Variants in MRTFA observed in about 807,000 individuals in gnomAD.
MRTFA encodes the protein myocardin-related transcription factor A.
A neutral mutation model predicts 83.5 loss-of-function variants in MRTFA; 20 were observed. That is an observed-to-expected ratio of 0.24 (90% confidence interval 0.17 to 0.35). The LOEUF (loss-of-function observed/expected upper bound fraction) is 0.35. Among genes scored for constraint, MRTFA ranks in the 10% least tolerant of loss-of-function variants. The pLI is 1.00. For synonymous variants in MRTFA, 659 were observed against 541.2 expected (o/e 1.22, Z -3.02); for missense variants, 1,200 against 1,224.7 (o/e 0.98, Z 0.30).
At chr22:40,545,681 C>T (rs1012287621) in intron 3 of MRTFA, among the ~76,000 whole-genome samples, 1 of 151,942 alleles carries the variant, frequency 6.6e-6, no homozygotes, top group Non-Finnish European at 1.5e-5. Flanking sequence ...GATCCACCCA[C>T]CTCGGCCTCC....
At chr22:40,439,498 C>G (rs1319523881) in intron 4 of MRTFA, among the ~76,000 whole-genome samples, 4 of 112,388 alleles carry the variant, frequency 3.6e-5, no homozygotes, top group South Asian at 3.0e-4. Context: ...GAGCAAGACT[C>G]TGTCTCAAAA....
chr22:40,556,739 T>G (rs1479732366), intron 2 of MRTFA, among the ~76,000 whole-genome samples: 1 of 152,204 alleles, frequency 6.6e-6, no homozygotes, highest in Non-Finnish European at 1.5e-5. Flanking sequence ...TGTCTCTGTG[T>G]GTACTGGGAA....
chr22:40,612,957 A>G (rs566295453), intron 1 of MRTFA, among the ~76,000 whole-genome samples: 1 of 152,292 alleles, frequency 6.6e-6, no homozygotes, highest in African/African-American at 2.4e-5. Context: ...AAAAACAACA[A>G]TAACAAGGAC....
chr22:40,551,018 A>G (rs763639646), intron 3 of MRTFA, among the ~76,000 whole-genome samples: 13 of 151,750 alleles, frequency 8.6e-5, no homozygotes, highest in Non-Finnish European at 1.9e-4. Context: ...TGCCTGGCTA[A>G]TTTTGTATCT....
chr22:40,483,647 TGCACTCCA>T (rs886648442), intron 3 of MRTFA, among the ~76,000 whole-genome samples: 2 of 150,818 alleles, frequency 1.3e-5, no homozygotes, highest in African/African-American at 4.9e-5. Flanking sequence ...ATAGTGCCAC[TGCACTCCA>T]GCCTGGGTGA....
chr22:40,458,181 ACAT>A (rs765112914), intron 4 of MRTFA, among the ~76,000 whole-genome samples: 105 of 152,186 alleles, frequency 6.9e-4, no homozygotes, highest in Non-Finnish European at 1.3e-3. Flanking sequence ...TATGTGCGAG[ACAT>A]CATTAGTGAA....
At chr22:40,625,423 C>T (rs577609565) in intron 1 of MRTFA, among the ~76,000 whole-genome samples, 1 of 151,410 alleles carries the variant, frequency 6.6e-6, no homozygotes, top group African/African-American at 2.4e-5. Context: ...CACAACCAGC[C>T]CAGGCAACAT....
intron 3 of MRTFA, among the ~76,000 whole-genome samples, chr22:40,541,048 G>C (rs969060544): frequency 6.6e-6 from 1 of 152,088 alleles, no homozygotes; most frequent in African/African-American, 2.4e-5. Context: ...AAGTATTGAA[G>C]TATGGAGTTA....
intron 1 of MRTFA, among the ~76,000 whole-genome samples, chr22:40,634,757 C>CAA (rs1479783685): frequency 6.6e-6 from 1 of 152,172 alleles, no homozygotes; most frequent in East Asian, 1.9e-4. Flanking sequence ...ACGGGTGACC[C>CAA]AAACTTTATG....
chr22:40,604,263 T>C (rs889039570), intron 1 of MRTFA, among the ~76,000 whole-genome samples: 5 of 151,758 alleles, frequency 3.3e-5, no homozygotes, highest in Non-Finnish European at 5.9e-5. Context: ...CCTGAGTAGC[T>C]GGGACTACAG....
At chr22:40,444,881 A>C (rs539920320) in intron 4 of MRTFA, among the ~76,000 whole-genome samples, 48 of 152,276 alleles carry the variant, frequency 3.2e-4, no homozygotes, top group South Asian at 8.3e-4. Flanking sequence ...CAGCTTGGGC[A>C]ATGTGGCGGC....
chr22:40,464,830 T>C (rs961428293), intron 3 of MRTFA, among the ~76,000 whole-genome samples: 1 of 152,198 alleles, frequency 6.6e-6, no homozygotes, highest in Non-Finnish European at 1.5e-5. Flanking sequence ...ACTTCTTTAA[T>C]GATATCACTA....
intron 3 of MRTFA, among the ~76,000 whole-genome samples, chr22:40,509,548 G>A (rs1335941358): frequency 6.6e-6 from 1 of 152,184 alleles, no homozygotes; most frequent in East Asian, 1.9e-4. Context: ...TTCTCATCCA[G>A]CTGGTCAAAG....
chr22:40,459,830 C>CATATACATATAT (rs1555973835), intron 4 of MRTFA, among the ~76,000 whole-genome samples: 14 of 86,952 alleles, frequency 1.6e-4, no homozygotes, highest in South Asian at 5.2e-4. Context: ...CACATATATA[C>CATATACATATAT]ATATATATAT....
intron 4 of MRTFA, among the ~76,000 whole-genome samples, chr22:40,453,826 A>C (rs2053538486): frequency 6.6e-6 from 1 of 152,204 alleles, no homozygotes. Flanking sequence ...CTGCATTCCC[A>C]CTGGTAAACA....
intron 1 of MRTFA, among the ~76,000 whole-genome samples, chr22:40,610,442 T>C (rs2056374210): frequency 6.6e-6 from 1 of 152,186 alleles, no homozygotes; most frequent in African/African-American, 2.4e-5. Flanking sequence ...GTAAAGGCAG[T>C]TCATTAAGCT....
At chr22:40,517,201 G>A (rs1030028963) in intron 3 of MRTFA, among the ~76,000 whole-genome samples, 1 of 152,212 alleles carries the variant, frequency 6.6e-6, no homozygotes, top group Non-Finnish European at 1.5e-5. Context: ...GGGATTACAG[G>A]TGTGAGTCAC....
intron 4 of MRTFA, among the ~76,000 whole-genome samples, chr22:40,436,997 C>T (rs2053183211): frequency 6.6e-6 from 1 of 152,104 alleles, no homozygotes. Flanking sequence ...CTTCAATTGT[C>T]CCAGTGGTAT....
intron 1 of MRTFA, among the ~76,000 whole-genome samples, chr22:40,614,525 G>A (rs1036786147): frequency 4.0e-5 from 6 of 151,772 alleles, no homozygotes; most frequent in Admixed American, 2.6e-4. Context: ...TTTCGCTCTC[G>A]TTACCAGACT....
Sources: gnomAD v4.1 joint callset for allele counts (sites outside exome capture counted in the v4.1 genomes callset) on GRCh38, gnomAD v4.1.1 for gene constraint, MANE v1.5 for transcripts, NCBI Gene and HGNC (gene_info 2026-07-23, HGNC 2026-07-21) for gene names.